KCNIP4: variants seen among roughly 807,000 people sequenced by gnomAD.
KCNIP4 encodes the protein potassium voltage-gated channel interacting protein 4, also known as Kv channel-interacting protein 4.
Under a neutral mutation model 34.0 loss-of-function variants are expected in KCNIP4, and 12 were observed. The observed-to-expected ratio is 0.35, with a 90% confidence interval of 0.23 to 0.57. The LOEUF is 0.57. Ranked by LOEUF, KCNIP4 falls within the 20% of genes least tolerant of loss-of-function variation. KCNIP4 has a pLI of 0.83. For missense variants in KCNIP4, 238 were observed against 311.7 expected, an observed-to-expected ratio of 0.76 and a Z score of 1.78; for synonymous variants, 124 against 102.2, an observed-to-expected ratio of 1.21 and a Z score of -1.29.
intron 1 of KCNIP4, among the ~76,000 whole-genome samples, chr4:21,898,330 T>C (rs2109416140): frequency 6.6e-6 from 1 of 152,200 alleles, no homozygotes; most frequent in African/African-American, 2.4e-5. Context: ...GATTGCATCA[T>C]CATGCTTCCC....
In KCNIP4 at chr4:20,767,479, T is replaced by C. The variant is rs1322783328; in HGVS notation, c.289-8589A>G. The C allele has an allele frequency of 3.9e-5, 6 of 152,282 alleles. No homozygotes were observed. The East Asian group carries it at 9.7e-4, about 25-fold the overall frequency. The allele number at this position is 152,282 out of a possible 1,614,324, so 9.4% of individuals were successfully genotyped here. A position where few individuals can be genotyped will look rare whatever the true frequency, so the allele number is the denominator to read the frequency against. On this transcript the variant is annotated intron_variant, in intron 3 of 8. Coordinates refer to ENST00000382152, the MANE Select transcript of KCNIP4 (RefSeq NM_025221.6). ...GAAGGGTGCTTTGGAGAAAGATCCA[T>C]GTATGCATAGGAAATTGCTAAGAAA... is the stretch of plus-strand genomic sequence containing the variant.
chr4:21,625,179 A>C (rs1043268504), intron 1 of KCNIP4, among the ~76,000 whole-genome samples: 1 of 152,090 alleles, frequency 6.6e-6, no homozygotes, highest in Admixed American at 6.6e-5. Context: ...AAATAATAAT[A>C]TACATTAAAC....
At chr4:20,823,778 A>C (rs1717395333) in intron 3 of KCNIP4, among the ~76,000 whole-genome samples, 1 of 152,182 alleles carries the variant, frequency 6.6e-6, no homozygotes, top group African/African-American at 2.4e-5. Context: ...AAAATATATC[A>C]CTTTGATGGA....
intron 1 of KCNIP4, among the ~76,000 whole-genome samples, chr4:21,742,609 G>T (rs1716490150): frequency 6.6e-6 from 1 of 152,180 alleles, no homozygotes; most frequent in Non-Finnish European, 1.5e-5. Context: ...GAGATTTAGG[G>T]CCAACCAGAT....
chr4:21,652,698 G>T (rs1382218012), intron 1 of KCNIP4, among the ~76,000 whole-genome samples: 1 of 152,176 alleles, frequency 6.6e-6, no homozygotes, highest in Non-Finnish European at 1.5e-5. Context: ...TTTAACTGCT[G>T]CAACAGTGTA....
intron 1 of KCNIP4, among the ~76,000 whole-genome samples, chr4:21,151,862 C>T (rs1000727814): frequency 1.3e-5 from 2 of 152,110 alleles, no homozygotes; most frequent in African/African-American, 4.8e-5. Flanking sequence ...CGGGACTTAG[C>T]CCTTTTTCTC....
chr4:21,729,480 T>C (rs1715432473), intron 1 of KCNIP4, among the ~76,000 whole-genome samples: 1 of 152,208 alleles, frequency 6.6e-6, no homozygotes, highest in Non-Finnish European at 1.5e-5. Context: ...GCAAGACTTC[T>C]GTGACGAGAA....
At chr4:21,728,031 T>C (rs965676491) in intron 1 of KCNIP4, among the ~76,000 whole-genome samples, 6 of 152,100 alleles carry the variant, frequency 3.9e-5, no homozygotes, top group Non-Finnish European at 7.4e-5. Context: ...ACTTACACTT[T>C]CTGTCTTCTG....
Position 20,959,741 on chromosome 4 carries a change from C to T in KCNIP4, c.62-77032G>A, listed in dbSNP as rs145913381. 2.3e-4 allele frequency among the ~76,000 whole-genome samples: 35 copies of T among 152,248 alleles called. No individual in the cohort carries two copies. In the South Asian group the frequency reaches 4.4e-3, roughly 19 times the overall value. On this transcript the variant is annotated intron_variant, in intron 1 of 8. Transcript: ENST00000382152. ...ACCTTGAACCCTTCAACACAGAAAC[C>T]TTATCTTTAACGGAGTTCAATGTGG...
Position 21,251,100 on chromosome 4 carries a change from G to A in KCNIP4, c.62-368391C>T, listed in dbSNP as rs114117142. On this transcript the variant is annotated intron_variant, in intron 1 of 8. Coordinates refer to ENST00000382152, the MANE Select transcript of KCNIP4 (RefSeq NM_025221.6). Reference sequence around the variant, plus strand: ...TTGAATGGCCACCAGTGGGGAATGCGTTTAAACGAATTATGATACAGCCAT... The same window carrying A: ...TTGAATGGCCACCAGTGGGGAATGCATTTAAACGAATTATGATACAGCCAT... Among the ~76,000 whole-genome samples the A allele has an allele frequency of 6.4e-3, 969 of 152,004 alleles. 7 individuals carry two copies. Among genetic ancestry groups the A allele is most frequent in the Middle Eastern group, 0.031 (9 of 292 alleles).
rs1056853591 is a variant in KCNIP4, at chr4:21,548,971, A to G, written c.61+399600T>C. Among the ~76,000 whole-genome samples, 5 of 151,968 alleles carry G rather than the reference A, an allele frequency of 3.3e-5. 1 individual carries two copies. Among genetic ancestry groups the G allele is most frequent in the Non-Finnish European group, 7.4e-5 (5 of 67,982 alleles). On this transcript the variant is annotated intron_variant, in intron 1 of 8. Transcript: ENST00000382152. ...CTGTGGGGAATGACATACTCATGATAAGATGCTTAGAAGAATCTCTGGCCT... is the reference window on the plus strand; with the variant it reads ...CTGTGGGGAATGACATACTCATGATGAGATGCTTAGAAGAATCTCTGGCCT...
At chr4:21,369,771 G>A (rs1407770642) in intron 1 of KCNIP4, among the ~76,000 whole-genome samples, 1 of 146,100 alleles carries the variant, frequency 6.8e-6, no homozygotes, top group Non-Finnish European at 1.5e-5. Flanking sequence ...TTGTTGTTTG[G>A]AGTCATGCAT....
At chr4:21,376,906 G>T (rs1027043620) in intron 1 of KCNIP4, among the ~76,000 whole-genome samples, 1 of 152,138 alleles carries the variant, frequency 6.6e-6, no homozygotes, top group African/African-American at 2.4e-5. Flanking sequence ...TAGCAGAAGA[G>T]GTTATTTTAA....
chr4:20,782,327 G>A (rs1056698974), intron 3 of KCNIP4, among the ~76,000 whole-genome samples: 2 of 152,094 alleles, frequency 1.3e-5, no homozygotes, highest in African/African-American at 2.4e-5. Flanking sequence ...TCCACTAAGT[G>A]GTGTCCCAGT....
At position 20,882,597 on chromosome 4, in the gene KCNIP4, A is replaced by T. The variant is rs201352314; in HGVS notation, c.163+11T>A. 1 of 1,606,036 alleles carries T rather than the reference A, an allele frequency of 6.2e-7. No homozygotes were observed. On this transcript the variant is annotated intron_variant, in intron 2 of 8. Coordinates refer to ENST00000382152, the MANE Select transcript of KCNIP4 (RefSeq NM_025221.6). ...TTCGGAGGAAAAAAAAAAACAAAAAAACAAACTTGCTTTGAATAGCAGGAG... is the reference window on the plus strand; with the variant it reads ...TTCGGAGGAAAAAAAAAAACAAAAATACAAACTTGCTTTGAATAGCAGGAG...
At chr4:21,015,696 T>C (rs1739460328) in intron 1 of KCNIP4, among the ~76,000 whole-genome samples, 1 of 133,122 alleles carries the variant, frequency 7.5e-6, no homozygotes, top group Non-Finnish European at 1.5e-5. Context: ...ATTAATATAA[T>C]ATAATATATT....
intron 1 of KCNIP4, among the ~76,000 whole-genome samples, chr4:21,806,980 T>C (rs761756675): frequency 6.6e-5 from 10 of 152,068 alleles, no homozygotes; most frequent in Non-Finnish European, 1.3e-4. Flanking sequence ...CTCACCATAA[T>C]GTAGAATCAG....
chr4:21,253,104 C>A (rs1644077747), intron 1 of KCNIP4, among the ~76,000 whole-genome samples: 1 of 152,188 alleles, frequency 6.6e-6, no homozygotes, highest in Admixed American at 6.5e-5. Context: ...ATGAGTGTTT[C>A]ATAGATAGGA....
intron 3 of KCNIP4, among the ~76,000 whole-genome samples, chr4:20,805,489 T>C (rs969741519): frequency 2.0e-5 from 3 of 152,162 alleles, no homozygotes; most frequent in Non-Finnish European, 4.4e-5. Context: ...TTTTTTCTTA[T>C]ATAGAATTTG....
Sources: gnomAD v4.1 joint callset for allele counts (sites outside exome capture counted in the v4.1 genomes callset) on GRCh38, gnomAD v4.1.1 for gene constraint, MANE v1.5 for transcripts, NCBI Gene and HGNC (gene_info 2026-07-23, HGNC 2026-07-21) for gene names.